The following ALMS1 variants were observed in gnomAD, a reference collection of about 807,000 sequenced individuals.
The protein encoded by ALMS1 is ALMS1 centrosome and basal body associated protein, also known as centrosome-associated protein ALMS1.
ALMS1 carries 271 observed loss-of-function variants against 352.2 expected under a neutral mutation model. The ratio of observed to expected loss-of-function variants is 0.77; its 90% CI spans 0.70 to 0.85. The LOEUF (loss-of-function observed/expected upper bound fraction) is 0.85, where lower values mean the gene tolerates loss of function less well. ALMS1 is among the 40% of genes least tolerant of loss of function. ALMS1 has a pLI of 0.00. For synonymous variants in ALMS1, 1,865 were observed against 1,761.2 expected, an observed-to-expected ratio of 1.06 and a Z score of -1.48; for missense variants, 5,445 against 4,870.7, an observed-to-expected ratio of 1.12 and a Z score of -3.51.
chr2:73,486,511 T>C (rs1469017194), intron 9 of ALMS1, among the ~76,000 whole-genome samples: 2 of 152,216 alleles, frequency 1.3e-5, no homozygotes, highest in Non-Finnish European at 2.9e-5. Context: ...TTTTAGCTAG[T>C]GAGAAAAGCT....
At chr2:73,525,550 A>ATTAT (rs1673772955) in intron 11 of ALMS1, among the ~76,000 whole-genome samples, 1 of 152,088 alleles carries the variant, frequency 6.6e-6, no homozygotes, top group Admixed American at 6.6e-5. Flanking sequence ...CCTTTTCATA[A>ATTAT]GCCTGTTTGC....
At chr2:73,601,615 G>T (rs1675690960) in intron 19 of ALMS1, among the ~76,000 whole-genome samples, 179 bp downstream of exon 19, 1 of 152,210 alleles carries the variant, frequency 6.6e-6, no homozygotes, top group African/African-American at 2.4e-5. Flanking sequence ...TCTGTCAAAG[G>T]CTGCCTTACT....
intron 11 of ALMS1, among the ~76,000 whole-genome samples, chr2:73,523,126 G>A (rs1673719654): frequency 6.6e-6 from 1 of 152,140 alleles, no homozygotes; most frequent in Admixed American, 6.5e-5. Flanking sequence ...CTGGTACTCG[G>A]TATAGGCAAG....
At chr2:73,555,907 T>C (rs1283756384) in intron 13 of ALMS1, among the ~76,000 whole-genome samples, 1 of 152,166 alleles carries the variant, frequency 6.6e-6, no homozygotes, top group Non-Finnish European at 1.5e-5. Flanking sequence ...ACAGACAGTA[T>C]TGTACCCTTC....
chr2:73,394,380 G>C (rs1209140948), intron 1 of ALMS1, among the ~76,000 whole-genome samples: 1 of 151,786 alleles, frequency 6.6e-6, no homozygotes, highest in East Asian at 1.9e-4. Flanking sequence ...TTGTTGTTGA[G>C]ATGGTGTCTT....
Position 73,385,933 on chromosome 2 carries a change from AGGAGGAG to A in ALMS1, c.67_73del (p.Glu23LysfsTer16). Reference sequence around the variant, plus strand: ...GAGGAGGAGGAGGAGGAGGAGGAGGAGGAGGAGGAAGAGGAGGAGGCTGCAGCGGCGG... The same window carrying A: ...GAGGAGGAGGAGGAGGAGGAGGAGGAGAAGAGGAGGAGGCTGCAGCGGCGG... On this transcript the variant is annotated frameshift_variant, in exon 1 of 23. Transcript: ENST00000613296. LOFTEE classifies it high-confidence loss of function. The A allele has an allele frequency of 9.1e-7, 1 of 1,097,528 alleles. No homozygotes were observed. Among genetic ancestry groups the A allele is most frequent in the Non-Finnish European group, 1.4e-6 (1 of 738,598 alleles). 68.0% of individuals were successfully genotyped at this position (1,097,528 alleles called of 1,614,324 possible). A position where few individuals can be genotyped will look rare whatever the true frequency, so the allele number is the denominator to read the frequency against.
chr2:73,578,781 A>T (rs1675107984), intron 16 of ALMS1, among the ~76,000 whole-genome samples: 1 of 152,170 alleles, frequency 6.6e-6, no homozygotes, highest in Admixed American at 6.5e-5. Flanking sequence ...TAATTATTTT[A>T]TGCATTCGTT....
At chr2:73,545,757 A>G (rs566229910) in intron 12 of ALMS1, among the ~76,000 whole-genome samples, 1 of 152,356 alleles carries the variant, frequency 6.6e-6, no homozygotes, top group Middle Eastern at 3.4e-3. Context: ...GCAAGTTCAA[A>G]TAAATATACT....
In ALMS1 at chr2:73,566,376, C is replaced by T. The variant is rs141184228; in HGVS notation, c.10385-5886C>T. Among the ~76,000 whole-genome samples, 38 of 152,248 alleles carry T rather than the reference C, an allele frequency of 2.5e-4. No individual in the cohort carries two copies. The East Asian group carries it at 5.0e-3, about 20-fold the overall frequency. Reference sequence around the variant, plus strand: ...GTATCATGACAGTCACCCTGATAACCCAGACAGCTATGAAGTGCCTAAGGG... The same window carrying T: ...GTATCATGACAGTCACCCTGATAACTCAGACAGCTATGAAGTGCCTAAGGG... On this transcript the variant is annotated intron_variant, in intron 15 of 22. Coordinates refer to ENST00000613296, the MANE Select transcript of ALMS1 (RefSeq NM_001378454.1).
At chr2:73,432,690 C>G (rs1387013787) in intron 7 of ALMS1, among the ~76,000 whole-genome samples, 1 of 149,966 alleles carries the variant, frequency 6.7e-6, no homozygotes, top group East Asian at 2.1e-4. Context: ...TCCTCATGAT[C>G]TAATTGCTTT....
chr2:73,464,054 C>A (rs1480454662), intron 9 of ALMS1, among the ~76,000 whole-genome samples: 2 of 152,140 alleles, frequency 1.3e-5, no homozygotes, highest in African/African-American at 4.8e-5. Flanking sequence ...GAAACTATTC[C>A]AATCAATAGA....
chr2:73,414,489 G>GTTTTTTTTTTTTTTT (rs11395837), intron 2 of ALMS1, among the ~76,000 whole-genome samples: 78 of 94,228 alleles, frequency 8.3e-4, no homozygotes, highest in East Asian at 2.0e-3. Flanking sequence ...TTTTTTTTTT[G>GTTTTTTTTTTTTTTT]TTTTTTTTTT....
chr2:73,466,072 G>C (rs1478218342), intron 9 of ALMS1, among the ~76,000 whole-genome samples: 1 of 152,284 alleles, frequency 6.6e-6, no homozygotes, highest in East Asian at 1.9e-4. Flanking sequence ...GGAAGTCAGT[G>C]TGTCGATTCC....
intron 7 of ALMS1, among the ~76,000 whole-genome samples, chr2:73,445,667 A>G (rs1171708031): frequency 1.3e-5 from 2 of 152,066 alleles, no homozygotes; most frequent in East Asian, 1.9e-4. Flanking sequence ...CTGTGTTACT[A>G]AGCACCTTAG....
intron 15 of ALMS1, among the ~76,000 whole-genome samples, chr2:73,563,015 A>G (rs1674697243): frequency 6.6e-6 from 1 of 151,918 alleles, no homozygotes; most frequent in South Asian, 2.1e-4. Context: ...GTAAATTTGT[A>G]ACAAAAACAA....
intron 9 of ALMS1, among the ~76,000 whole-genome samples, chr2:73,469,087 G>C (rs992708762): frequency 2.0e-5 from 3 of 151,842 alleles, no homozygotes; most frequent in Admixed American, 6.6e-5. Context: ...GCAGAATACT[G>C]TCTCTTCTCC....
intron 10 of ALMS1, among the ~76,000 whole-genome samples, chr2:73,495,798 C>T (rs114534317): frequency 0.019 from 2,927 of 152,160 alleles, 111 homozygotes; most frequent in African/African-American, 0.065. Context: ...CTAGCCTTTC[C>T]CCTTTCTTTA....
chr2:73,462,543 A>T (rs535873708), intron 9 of ALMS1, among the ~76,000 whole-genome samples: 2 of 152,268 alleles, frequency 1.3e-5, no homozygotes, highest in African/African-American at 4.8e-5. Flanking sequence ...AAGAAACTGC[A>T]TCAACTAATG....
At chr2:73,600,026 CTG>C (rs1573052822) in intron 17 of ALMS1, among the ~76,000 whole-genome samples, 1 of 152,162 alleles carries the variant, frequency 6.6e-6, no homozygotes, top group East Asian at 1.9e-4. Flanking sequence ...GAAGCTCTCT[CTG>C]TACTAACATG....
Sources: allele counts gnomAD v4.1 joint callset (sites outside exome capture counted in the v4.1 genomes callset), GRCh38; gene constraint gnomAD v4.1.1; transcripts MANE v1.5; gene names NCBI Gene and HGNC (gene_info 2026-07-23, HGNC 2026-07-21).